The following PPP4R1 variants were observed in gnomAD, a reference collection of about 807,000 sequenced individuals.
PPP4R1 encodes protein phosphatase 4 regulatory subunit 1.
In PPP4R1, 42 loss-of-function variants were observed where a neutral mutation model predicts 111.2. The observed-to-expected ratio is 0.38, with a 90% CI of 0.29 to 0.49. The LOEUF is 0.49. PPP4R1 is among the 20% of genes least tolerant of loss of function. The pLI is 0.97. For synonymous variants in PPP4R1, 409 were observed against 405.5 expected (o/e 1.01, Z -0.10); for missense variants, 1,012 against 1,161.6 (o/e 0.87, Z 1.87).
At chr18:9,582,520 A>G (rs1427823382) in intron 9 of PPP4R1, among the ~76,000 whole-genome samples, 1 of 152,230 alleles carries the variant, frequency 6.6e-6, no homozygotes, top group Non-Finnish European at 1.5e-5. Context: ...GTGAAGAGAC[A>G]GAATTAGGAA....
Position 9,550,417 on chromosome 18 carries a change from A to C in PPP4R1, c.2292-19T>G, listed in dbSNP as rs1175738753. 2 of 1,567,758 alleles carry C rather than the reference A, an allele frequency of 1.3e-6. No individual in the cohort carries two copies. Among genetic ancestry groups the C allele is most frequent in the Admixed American group, 3.8e-5 (2 of 52,498 alleles). Reference sequence around the variant, plus strand: ...CAGCTGTCTACAAAAAGGAATTACAAAAAGACAATGTTTAAAAATCAGCGA... The same window carrying C: ...CAGCTGTCTACAAAAAGGAATTACACAAAGACAATGTTTAAAAATCAGCGA... On this transcript the variant is annotated intron_variant, in intron 16 of 19. Coordinates refer to ENST00000400556, the MANE Select transcript of PPP4R1 (RefSeq NM_001042388.3).
At chr18:9,562,212 A>T (rs1210687287) in intron 12 of PPP4R1, 137 bp from the exon 13 acceptor site, 1 of 633,390 alleles carries the variant, frequency 1.6e-6, no homozygotes, top group African/African-American at 1.8e-5. Context: ...AAAAGCTTAT[A>T]AACATACCTA....
At chr18:9,562,380 G>A (rs1480144971) in intron 12 of PPP4R1, among the ~76,000 whole-genome samples, 2 of 152,096 alleles carry the variant, frequency 1.3e-5, no homozygotes, top group African/African-American at 4.8e-5. Context: ...AGTACTGAGA[G>A]GATTCTTTTG....
chr18:9,589,853 G>A (rs2067182374), intron 4 of PPP4R1: 2 of 152,440 alleles, frequency 1.3e-5, no homozygotes, highest in Middle Eastern at 3.4e-3. Context: ...AGCCAAGATC[G>A]CGCCACTGCA....
At chr18:9,554,003 G>A (rs962305558) in intron 15 of PPP4R1, among the ~76,000 whole-genome samples, 4 of 152,158 alleles carry the variant, frequency 2.6e-5, no homozygotes, top group South Asian at 2.1e-4. Flanking sequence ...TTCAAGGGAC[G>A]TTCTAAGGAC....
In PPP4R1 at chr18:9,614,258, A is replaced by G; in HGVS notation, c.20T>C (p.Leu7Pro). 1 of 1,347,620 alleles carries G rather than the reference A, an allele frequency of 7.4e-7. No individual in the cohort carries two copies. The highest frequency in any genetic ancestry group is 1.7e-5 in the South Asian group (1 of 58,338). 83.5% of individuals were successfully genotyped at this position (1,347,620 alleles called of 1,614,324 possible). Residue 7 changes from leucine (L) to proline (P), a missense_variant, in exon 2 of 20, where the codon CTT (leucine) becomes CCT (proline). Leu to Pro is a moderately conservative substitution (Grantham distance 98). This residue lies in a region of PPP4R1 where 707 missense variants were observed against 742.1 expected (regional missense o/e 0.95). Transcript: ENST00000400556. This position sits in a 1 kb window ranked among gnomAD's most constrained non-coding sequence, Gnocchi z 4.1. ...TGCGTCCTCCTGCAGGTCCTCCTGA[A>G]GCAGCGAGAGGTCTGCGCCGAGGGG... Reference protein sequence around the residue: MADLSLLQEDLQEDADG... With the variant: MADLSLPQEDLQEDADG...
chr18:9,610,404 T>C (rs1052305026), intron 2 of PPP4R1, among the ~76,000 whole-genome samples: 1 of 152,276 alleles, frequency 6.6e-6, no homozygotes, highest in Non-Finnish European at 1.5e-5. Context: ...TATTTCATGA[T>C]ACAGTACTGA....
chr18:9,607,931 C>T (rs1191786801), intron 2 of PPP4R1, among the ~76,000 whole-genome samples: 1 of 151,828 alleles, frequency 6.6e-6, no homozygotes, highest in Non-Finnish European at 1.5e-5. Context: ...TACAGGCATG[C>T]ACCACCACGC....
chr18:9,556,394 T>C (rs937694044), intron 15 of PPP4R1, among the ~76,000 whole-genome samples: 4 of 152,020 alleles, frequency 2.6e-5, no homozygotes, highest in East Asian at 2.0e-4. Flanking sequence ...GGTTTCACCA[T>C]GTTGGCCAGG....
chr18:9,576,610 G>A (rs999155375), intron 10 of PPP4R1, among the ~76,000 whole-genome samples: 10 of 151,870 alleles, frequency 6.6e-5, no homozygotes, highest in Non-Finnish European at 1.0e-4. Context: ...TCCAAGATGC[G>A]CAACTAAATT....
chr18:9,564,739 G>GTGTGT (rs1568094920), intron 11 of PPP4R1, among the ~76,000 whole-genome samples: 305 of 17,366 alleles, frequency 0.018, 6 homozygotes, highest in East Asian at 0.053. Flanking sequence ...TGTGTGTGTG[G>GTGTGT]GGGTATCATC....
chr18:9,590,947 T>C (rs1361273271), intron 4 of PPP4R1, among the ~76,000 whole-genome samples: 1 of 152,076 alleles, frequency 6.6e-6, no homozygotes, highest in African/African-American at 2.4e-5. Context: ...GAAAAAGATA[T>C]CTTTAATACA....
At chr18:9,561,244 A>T (rs886419317) in intron 13 of PPP4R1, among the ~76,000 whole-genome samples, 17 of 149,024 alleles carry the variant, frequency 1.1e-4, no homozygotes, top group Non-Finnish European at 2.2e-4. Context: ...TAATAATAAT[A>T]ATAATAATAA....
chr18:9,589,359 A>G (rs1316382796), intron 4 of PPP4R1, among the ~76,000 whole-genome samples: 1 of 152,216 alleles, frequency 6.6e-6, no homozygotes, highest in Non-Finnish European at 1.5e-5. Flanking sequence ...AATATTTTTT[A>G]AACACCTGAA....
At chr18:9,586,955 G>A (rs1598935416) in intron 6 of PPP4R1, among the ~76,000 whole-genome samples, 1 of 151,988 alleles carries the variant, frequency 6.6e-6, no homozygotes, top group African/African-American at 2.4e-5. Context: ...TATTACATTT[G>A]ACTTTATGAT....
intron 2 of PPP4R1, among the ~76,000 whole-genome samples, chr18:9,603,978 G>A (rs1053392196): frequency 4.6e-5 from 7 of 151,996 alleles, no homozygotes; most frequent in African/African-American, 1.7e-4. Flanking sequence ...TGTCTCTCAC[G>A]GTCTTGCCTG....
chr18:9,614,528 C>A lies in PPP4R1; in HGVS notation c.-44G>T, dbSNP rs1327948153. 5.0e-6 allele frequency: 5 copies of A among 1,009,970 alleles called. No homozygotes were observed. The highest frequency in any genetic ancestry group is 5.9e-6 in the Non-Finnish European group (5 of 847,368). The allele number at this position is 1,009,970 out of a possible 1,614,324, so 62.6% of individuals were successfully genotyped here. On this transcript the variant is annotated 5_prime_UTR_variant, in exon 1 of 20. An upstream open reading frame in the 5' UTR loses its in-frame stop. Coordinates refer to ENST00000400556, the MANE Select transcript of PPP4R1 (RefSeq NM_001042388.3). The surrounding 1 kb of genome is among the most constrained non-coding windows in gnomAD (Gnocchi z 4.1). ...TCCGCGGCCGCCCGGGGAGCCGGGG[C>A]TACATGGAGCGGCGCGAGCCGGGGA... is the stretch of plus-strand genomic sequence containing the variant.
intron 5 of PPP4R1, 102 bp from the exon 6 acceptor site, chr18:9,588,337 T>C (rs940344345): frequency 4.8e-6 from 6 of 1,258,568 alleles, no homozygotes; most frequent in Non-Finnish European, 4.3e-6. Flanking sequence ...AAGGGACCCA[T>C]AACTGGCAAA....
intron 15 of PPP4R1, among the ~76,000 whole-genome samples, chr18:9,553,777 ACGTG>A (rs1227288742): frequency 6.6e-6 from 1 of 152,350 alleles, no homozygotes; most frequent in African/African-American, 2.4e-5. Flanking sequence ...GCTCTTAACC[ACGTG>A]TGTAAGCCCT....
Sources: allele counts gnomAD v4.1 joint callset (sites outside exome capture counted in the v4.1 genomes callset), GRCh38; gene constraint gnomAD v4.1.1; regional missense constraint gnomAD v4.1.1; non-coding constraint Gnocchi (gnomAD v3.1); transcripts MANE v1.5; gene names NCBI Gene and HGNC (gene_info 2026-07-23, HGNC 2026-07-21).